Variants in SH2D4A observed in about 807,000 individuals in gnomAD.
SH2D4A encodes SH2 domain-containing protein 4A.
In SH2D4A, 70 loss-of-function variants were observed where a neutral mutation model predicts 64.7. That is an observed-to-expected ratio of 1.08 (90% CI 0.89 to 1.32). SH2D4A has a LOEUF of 1.32. Among genes scored for constraint, SH2D4A ranks in the 40% most tolerant of loss-of-function variants. The pLI, the probability that SH2D4A is intolerant of heterozygous loss-of-function variation, is 0.00. For synonymous variants in SH2D4A, 268 were observed against 200.7 expected (o/e 1.34, Z -2.83); for missense variants, 706 against 540.1 (o/e 1.31, Z -3.04).
At chr8:19,390,826 G>T (rs2053480352) in intron 8 of SH2D4A, among the ~76,000 whole-genome samples, 1 of 152,102 alleles carries the variant, frequency 6.6e-6, no homozygotes, top group Non-Finnish European at 1.5e-5. Flanking sequence ...AGGGGCTTTT[G>T]GAAAGTTTCA....
At chr8:19,341,315 A>G (rs563793405) in intron 4 of SH2D4A, among the ~76,000 whole-genome samples, 1 of 152,318 alleles carries the variant, frequency 6.6e-6, no homozygotes, top group South Asian at 2.1e-4. Context: ...ATCTAAAAGT[A>G]TATTGTCATG....
At chr8:19,357,840 T>G (rs960232342) in intron 5 of SH2D4A, among the ~76,000 whole-genome samples, 1 of 152,144 alleles carries the variant, frequency 6.6e-6, no homozygotes, top group Admixed American at 6.5e-5. Flanking sequence ...AAATGAGGCA[T>G]AGACTGGTAC....
intron 8 of SH2D4A, among the ~76,000 whole-genome samples, chr8:19,375,937 C>A (rs557091104): frequency 6.6e-6 from 1 of 152,102 alleles, no homozygotes; most frequent in Non-Finnish European, 1.5e-5. Flanking sequence ...ACTTGATCTG[C>A]CCCTGTCTAT....
chr8:19,357,689 C>T (rs760707186), intron 5 of SH2D4A, among the ~76,000 whole-genome samples: 1 of 152,150 alleles, frequency 6.6e-6, no homozygotes, highest in African/African-American at 2.4e-5. Flanking sequence ...GCTGCTGTGT[C>T]CTCCACATCC....
chr8:19,334,582 G>C, intron 3 of SH2D4A, 104 bp from the exon 4 acceptor site: 1 of 1,246,256 alleles, frequency 8.0e-7, no homozygotes, highest in Non-Finnish European at 1.1e-6. Context: ...AGTAAGTGGT[G>C]TCAGTTACTG....
intron 2 of SH2D4A, 136 bp from the exon 3 acceptor site, chr8:19,332,819 G>C (rs1011828438): frequency 3.2e-5 from 21 of 658,158 alleles, no homozygotes; most frequent in Non-Finnish European, 4.7e-5. Flanking sequence ...TTCCTGAGCA[G>C]TTGGAAGTTC....
chr8:19,313,967 A>G, intron 1 of SH2D4A, 144 bp downstream of exon 1: 1 of 1,258,156 alleles, frequency 7.9e-7, no homozygotes, highest in Non-Finnish European at 1.0e-6. Flanking sequence ...CCCCGCCTCC[A>G]CCCCTTCGCG....
intron 4 of SH2D4A, among the ~76,000 whole-genome samples, chr8:19,356,794 A>G (rs2052798664): frequency 6.6e-6 from 1 of 152,258 alleles, no homozygotes; most frequent in Admixed American, 6.5e-5. Flanking sequence ...GCAAGGCATC[A>G]TATAGTTAAA....
chr8:19,326,851 C>T (rs2052289633), intron 2 of SH2D4A, among the ~76,000 whole-genome samples: 1 of 152,184 alleles, frequency 6.6e-6, no homozygotes, highest in Non-Finnish European at 1.5e-5. Flanking sequence ...GCATTCACTG[C>T]CCCCGAGGAG....
At chr8:19,329,977 G>A (rs2052344846) in intron 2 of SH2D4A, among the ~76,000 whole-genome samples, 1 of 152,300 alleles carries the variant, frequency 6.6e-6, no homozygotes, top group South Asian at 2.1e-4. Context: ...ACACGTATTA[G>A]ATATGTGATG....
intron 7 of SH2D4A, among the ~76,000 whole-genome samples, chr8:19,364,774 C>T (rs760191061): frequency 1.3e-5 from 2 of 152,170 alleles, no homozygotes; most frequent in Non-Finnish European, 2.9e-5. Flanking sequence ...GATGGTAATT[C>T]TCATTCACGG....
chr8:19,359,243 T>C (rs1038694299), intron 5 of SH2D4A, among the ~76,000 whole-genome samples: 3 of 152,164 alleles, frequency 2.0e-5, no homozygotes, highest in Non-Finnish European at 4.4e-5. Context: ...TTTCTTCTTT[T>C]CCACTGTGCA....
At chr8:19,371,746 T>C (rs755451472) in intron 7 of SH2D4A, among the ~76,000 whole-genome samples, 4 of 152,220 alleles carry the variant, frequency 2.6e-5, no homozygotes, top group African/African-American at 4.8e-5. Flanking sequence ...GCTTTCTTCA[T>C]GTCATTGTTT....
chr8:19,334,661 G>A (rs1429693517), intron 3 of SH2D4A, 25 bp from the exon 4 acceptor site: 1 of 1,567,064 alleles, frequency 6.4e-7, no homozygotes, highest in Non-Finnish European at 8.6e-7. Flanking sequence ...TGTTTTTTGA[G>A]AATTTCACTT....
At chr8:19,330,020 C>T (rs1184088164) in intron 2 of SH2D4A, among the ~76,000 whole-genome samples, 1 of 152,174 alleles carries the variant, frequency 6.6e-6, no homozygotes, top group Non-Finnish European at 1.5e-5. Context: ...TAATGTCTTG[C>T]TCCTTCTCTT....
chr8:19,348,388 T>G (rs1283136271), intron 4 of SH2D4A, among the ~76,000 whole-genome samples: 1 of 152,182 alleles, frequency 6.6e-6, no homozygotes, highest in African/African-American at 2.4e-5. Context: ...ACTTATATTT[T>G]TAAGTGTTAT....
At chr8:19,379,011 G>T (rs1406965597) in intron 8 of SH2D4A, among the ~76,000 whole-genome samples, 1 of 148,862 alleles carries the variant, frequency 6.7e-6, no homozygotes, top group East Asian at 2.0e-4. Context: ...GAGTCTAGGA[G>T]ACAGAGGTTG....
intron 8 of SH2D4A, among the ~76,000 whole-genome samples, chr8:19,375,806 A>G (rs1057048475): frequency 6.6e-6 from 1 of 152,172 alleles, no homozygotes; most frequent in Non-Finnish European, 1.5e-5. Context: ...GTTTGATTTA[A>G]TTATTCCACA....
chr8:19,358,848 G>A (rs1033966795), intron 5 of SH2D4A, among the ~76,000 whole-genome samples: 1 of 152,124 alleles, frequency 6.6e-6, no homozygotes, highest in African/African-American at 2.4e-5. Context: ...TTGTTTTCTG[G>A]TACTGTTAGC....
Sources: gnomAD v4.1 joint callset for allele counts (sites outside exome capture counted in the v4.1 genomes callset) on GRCh38, gnomAD v4.1.1 for gene constraint, MANE v1.5 for transcripts, NCBI Gene and HGNC (gene_info 2026-07-23, HGNC 2026-07-21) for gene names.